Variants in LINGO2 observed in about 807,000 individuals in gnomAD.
LINGO2 encodes the protein leucine-rich repeat and immunoglobulin-like domain-containing nogo receptor-interacting protein 2.
LINGO2 carries 14 observed loss-of-function variants against 30.6 expected under a neutral mutation model. The ratio of observed to expected loss-of-function variants is 0.46; its 90% CI spans 0.30 to 0.72. The LOEUF is 0.72. Among genes scored for constraint, LINGO2 ranks in the 30% least tolerant of loss-of-function variants. The probability of loss-of-function intolerance (pLI) is 0.07; values close to 1 mark genes in which losing one functional copy is unlikely to be tolerated. For missense variants in LINGO2, 729 were observed against 751.7 expected (o/e 0.97, Z 0.35); for synonymous variants, 317 against 288.5 (o/e 1.10, Z -1.00).
chr9:27,958,761 T>TGTG (rs1819699044), intron 5 of LINGO2, among the ~76,000 whole-genome samples: 1 of 149,304 alleles, frequency 6.7e-6, no homozygotes, highest in African/African-American at 2.6e-5. Flanking sequence ...ACGTATACCC[T>TGTG]GTGGTTAAGG....
intron 4 of LINGO2, among the ~76,000 whole-genome samples, chr9:28,055,141 G>A (rs1053440303): frequency 6.6e-6 from 1 of 152,112 alleles, no homozygotes; most frequent in Non-Finnish European, 1.5e-5. Flanking sequence ...AAATGCTGAA[G>A]TCTTTTGTTT....
At chr9:29,119,134 GC>G in the LINGO2 span, among the ~76,000 whole-genome samples, 1 of 151,956 alleles carries the variant, frequency 6.6e-6, no homozygotes, top group Non-Finnish European at 1.5e-5. Flanking sequence ...CCATGCGATG[GC>G]CAGGGAAAGC....
At chr9:27,991,463 C>T (rs562155975) in intron 5 of LINGO2, among the ~76,000 whole-genome samples, 15 of 152,122 alleles carry the variant, frequency 9.9e-5, no homozygotes, top group Admixed American at 3.3e-4. Flanking sequence ...TTCAGAGGTT[C>T]GCCAGGGCTC....
At chr9:28,892,923 A>G in the LINGO2 span, among the ~76,000 whole-genome samples, 1 of 152,064 alleles carries the variant, frequency 6.6e-6, no homozygotes, top group Non-Finnish European at 1.5e-5. Context: ...CTTCATTTTC[A>G]AAGAATTTAA....
intron 1 of LINGO2, among the ~76,000 whole-genome samples, chr9:28,550,511 C>T (rs1198739096): frequency 6.6e-6 from 1 of 151,738 alleles, no homozygotes; most frequent in Non-Finnish European, 1.5e-5. Flanking sequence ...ACTTCTTAAA[C>T]ATATTTATTT....
the LINGO2 span, among the ~76,000 whole-genome samples, chr9:29,026,742 C>A: frequency 6.6e-6 from 1 of 152,020 alleles, no homozygotes; most frequent in Non-Finnish European, 1.5e-5. Context: ...GTTTTGTAAT[C>A]AGAGGAGATA....
At chr9:28,620,561 A>G (rs1826344701) in intron 1 of LINGO2, among the ~76,000 whole-genome samples, 1 of 152,142 alleles carries the variant, frequency 6.6e-6, no homozygotes, top group South Asian at 2.1e-4. Flanking sequence ...CATATACATC[A>G]GTGACCTTTC....
chr9:28,212,605 T>C (rs1267358506), intron 4 of LINGO2, among the ~76,000 whole-genome samples: 1 of 151,490 alleles, frequency 6.6e-6, no homozygotes, highest in East Asian at 1.9e-4. Flanking sequence ...ATGTTGATTT[T>C]AATCATGTAA....
the LINGO2 span, among the ~76,000 whole-genome samples, chr9:28,971,403 A>C: frequency 6.6e-6 from 1 of 152,180 alleles, no homozygotes; most frequent in Middle Eastern, 3.4e-3. Flanking sequence ...GCCAGAAGGG[A>C]GCCCACTGCC....
At chr9:29,059,372 A>G in the LINGO2 span, among the ~76,000 whole-genome samples, 1 of 151,330 alleles carries the variant, frequency 6.6e-6, no homozygotes, top group African/African-American at 2.4e-5. Flanking sequence ...CATGTACTCC[A>G]GAAATATATA....
Position 28,125,847 on chromosome 9 carries a change from A to G in LINGO2, c.-86-113442T>C, listed in dbSNP as rs145545148. Among the ~76,000 whole-genome samples, 12 of 152,318 alleles carry G rather than the reference A, an allele frequency of 7.9e-5. No homozygotes were observed. In the East Asian group the frequency reaches 2.3e-3, roughly 29 times the overall value. On this transcript the variant is annotated intron_variant, in intron 4 of 5. Transcript: ENST00000379992. ...AACAGCTACTTTCAAATCCAATTCC[A>G]GAGGTTCAGTTTTTACATTTCCCAA...
At chr9:28,519,673 T>A (rs949157747) in intron 1 of LINGO2, among the ~76,000 whole-genome samples, 2 of 152,186 alleles carry the variant, frequency 1.3e-5, no homozygotes, top group African/African-American at 4.8e-5. Flanking sequence ...GCACTATACA[T>A]CCTTCACCAC....
At chr9:28,829,110 G>A in the LINGO2 span, among the ~76,000 whole-genome samples, 3 of 152,130 alleles carry the variant, frequency 2.0e-5, no homozygotes, top group Admixed American at 6.6e-5. Context: ...GCTGTTGAAC[G>A]TTGGGAGGAA....
the LINGO2 span, among the ~76,000 whole-genome samples, chr9:28,995,345 G>A: frequency 6.6e-6 from 1 of 152,176 alleles, no homozygotes; most frequent in Non-Finnish European, 1.5e-5. Flanking sequence ...AGTTACAATG[G>A]TGATCATTAA....
chr9:28,360,859 C>A (rs1820411596), intron 3 of LINGO2, among the ~76,000 whole-genome samples: 1 of 152,096 alleles, frequency 6.6e-6, no homozygotes, highest in African/African-American at 2.4e-5. Context: ...CCAAACACAA[C>A]TCAGAATATA....
chr9:28,597,843 C>A (rs1214779945), intron 1 of LINGO2, among the ~76,000 whole-genome samples: 1 of 152,182 alleles, frequency 6.6e-6, no homozygotes, highest in Non-Finnish European at 1.5e-5. Context: ...CGGCTCACTG[C>A]AACCTCCACC....
At chr9:28,105,576 C>A (rs1188711478) in intron 4 of LINGO2, among the ~76,000 whole-genome samples, 2 of 152,112 alleles carry the variant, frequency 1.3e-5, no homozygotes, top group Non-Finnish European at 2.9e-5. Flanking sequence ...GTGTTCCCCC[C>A]AAATTCATAC....
chr9:28,839,719 A>G, the LINGO2 span, among the ~76,000 whole-genome samples: 1 of 152,182 alleles, frequency 6.6e-6, no homozygotes, highest in African/African-American at 2.4e-5. Context: ...ATAAAGTACC[A>G]TAAGTTCTCA....
the LINGO2 span, among the ~76,000 whole-genome samples, chr9:28,933,430 T>C: frequency 6.6e-6 from 1 of 152,186 alleles, no homozygotes; most frequent in Non-Finnish European, 1.5e-5. Flanking sequence ...ACCATAGCCA[T>C]TTTCCAAACA....
Sources: gnomAD v4.1 joint callset for allele counts (sites outside exome capture counted in the v4.1 genomes callset) on GRCh38, gnomAD v4.1.1 for gene constraint, MANE v1.5 for transcripts, NCBI Gene and HGNC (gene_info 2026-07-23, HGNC 2026-07-21) for gene names.